Variants in KAZN observed in about 807,000 individuals in gnomAD.
KAZN encodes kazrin.
KAZN carries 40 observed loss-of-function variants against 87.4 expected under a neutral mutation model. That is an observed-to-expected ratio of 0.46 (90% CI 0.36 to 0.60). The LOEUF is 0.60. KAZN is among the 20% of genes least tolerant of loss of function. The probability of loss-of-function intolerance (pLI) is 0.00; values close to 1 mark genes in which losing one functional copy is unlikely to be tolerated. For missense variants in KAZN, 898 were observed against 1,073.9 expected (o/e 0.84, Z 2.29); for synonymous variants, 466 against 458.3 (o/e 1.02, Z -0.22).
At chr1:14,601,300 G>A (rs6687972) in intron 1 of KAZN, among the ~76,000 whole-genome samples, 108,735 of 151,632 alleles carry the variant, frequency 0.72, 39,972 homozygotes, top group Non-Finnish European at 0.81. Flanking sequence ...CCGCATAACC[G>A]TCTAAACTGA....
At chr1:14,946,679 C>T (rs1021219788) in intron 1 of KAZN, among the ~76,000 whole-genome samples, 2 of 152,138 alleles carry the variant, frequency 1.3e-5, no homozygotes, top group African/African-American at 4.8e-5. Context: ...TCAGCTGAGC[C>T]CCCGTTCACC....
At chr1:14,098,208 T>C (rs1644171686) in intron 1 of KAZN, among the ~76,000 whole-genome samples, 1 of 152,152 alleles carries the variant, frequency 6.6e-6, no homozygotes. Context: ...TCAAGTGTCT[T>C]CTATACTTTA....
At chr1:15,070,017 T>C (rs10803345) in intron 8 of KAZN, among the ~76,000 whole-genome samples, 14,069 of 152,268 alleles carry the variant, frequency 0.092, 1,762 homozygotes, top group African/African-American at 0.29. Context: ...CAGCCTGTCA[T>C]TGATGAGAAA....
intron 1 of KAZN, among the ~76,000 whole-genome samples, chr1:14,922,902 G>A (rs1014477887): frequency 2.0e-5 from 3 of 152,206 alleles, no homozygotes; most frequent in Admixed American, 2.0e-4. Context: ...CGGGGGCGGG[G>A]GGAAGCTGGG....
intron 2 of KAZN, among the ~76,000 whole-genome samples, chr1:14,226,487 G>A (rs1647301730): frequency 6.6e-6 from 1 of 152,206 alleles, no homozygotes; most frequent in Non-Finnish European, 1.5e-5. Flanking sequence ...GTGGAAAGCA[G>A]TTTGGAGGTT....
chr1:13,929,481 A>G (rs778487318), intron 1 of KAZN, among the ~76,000 whole-genome samples: 1 of 152,134 alleles, frequency 6.6e-6, no homozygotes, highest in Non-Finnish European at 1.5e-5. Context: ...GCCATCCATC[A>G]TTGCGACACC....
chr1:14,236,023 C>T (rs1026896345), intron 2 of KAZN, among the ~76,000 whole-genome samples: 1 of 152,140 alleles, frequency 6.6e-6, no homozygotes. Context: ...GGAGAGAAGA[C>T]GCCTTATCTA....
intron 1 of KAZN, among the ~76,000 whole-genome samples, chr1:13,910,795 T>G (rs1297841570): frequency 1.3e-5 from 2 of 152,082 alleles, no homozygotes; most frequent in East Asian, 3.9e-4. Context: ...TTTCCCATAA[T>G]AAGAAGAGAT....
At chr1:14,347,554 G>C (rs901232875) in intron 2 of KAZN, among the ~76,000 whole-genome samples, 2 of 152,170 alleles carry the variant, frequency 1.3e-5, no homozygotes, top group African/African-American at 2.4e-5. Flanking sequence ...GCTTTCTTTT[G>C]TTAGATTAGG....
intron 1 of KAZN, among the ~76,000 whole-genome samples, chr1:14,615,550 C>T (rs574208898): frequency 9.2e-5 from 14 of 151,842 alleles, no homozygotes; most frequent in South Asian, 6.3e-4. Context: ...TGCTTGAACC[C>T]GGGAGGCAGA....
At chr1:14,070,007 A>G (rs775563134) in intron 1 of KAZN, among the ~76,000 whole-genome samples, 2 of 151,898 alleles carry the variant, frequency 1.3e-5, no homozygotes, top group Non-Finnish European at 2.9e-5. Context: ...TGTCTCTACT[A>G]AAATACAAAA....
At chr1:14,709,129 C>T (rs930657207) in intron 1 of KAZN, among the ~76,000 whole-genome samples, 1 of 152,128 alleles carries the variant, frequency 6.6e-6, no homozygotes, top group Non-Finnish European at 1.5e-5. Flanking sequence ...CTCACCACCA[C>T]CCTAACGGCA....
intron 1 of KAZN, among the ~76,000 whole-genome samples, chr1:14,761,621 A>G (rs560783895): frequency 6.6e-6 from 1 of 152,228 alleles, no homozygotes. Context: ...TCAAGTGATT[A>G]TCTTGGTTGT....
chr1:14,725,368 C>G (rs1643326829), intron 1 of KAZN, among the ~76,000 whole-genome samples: 1 of 152,136 alleles, frequency 6.6e-6, no homozygotes, highest in Admixed American at 6.5e-5. Flanking sequence ...TGACATTTAC[C>G]ACTGTTGTCA....
chr1:14,986,513 G>T (rs1666837615), intron 2 of KAZN, among the ~76,000 whole-genome samples: 4 of 152,148 alleles, frequency 2.6e-5, no homozygotes, highest in Admixed American at 1.3e-4. Flanking sequence ...GCTTTTCTTG[G>T]TTGGTGCTTT....
At chr1:14,092,628 C>T (rs916954795) in intron 1 of KAZN, among the ~76,000 whole-genome samples, 24 of 150,822 alleles carry the variant, frequency 1.6e-4, no homozygotes, top group African/African-American at 5.6e-4. Flanking sequence ...TGTACATACA[C>T]ACCCTTACAC....
intron 1 of KAZN, among the ~76,000 whole-genome samples, chr1:14,888,733 A>G (rs1654389024): frequency 6.6e-6 from 1 of 152,016 alleles, no homozygotes; most frequent in Non-Finnish European, 1.5e-5. Flanking sequence ...TGACCCCAAC[A>G]TCTCAATAGC....
chr1:15,045,072 C>A (rs1272546781), intron 4 of KAZN, among the ~76,000 whole-genome samples: 1 of 152,192 alleles, frequency 6.6e-6, no homozygotes, highest in Non-Finnish European at 1.5e-5. Context: ...GTCTGTTCTG[C>A]CTGCTCCTGT....
chr1:14,198,619 G>A (rs972750474), intron 2 of KAZN, among the ~76,000 whole-genome samples: 2 of 152,084 alleles, frequency 1.3e-5, no homozygotes, highest in African/African-American at 4.8e-5. Flanking sequence ...ATAAGAAGAA[G>A]AAATTGATGG....
Sources: gnomAD v4.1 joint callset for allele counts (sites outside exome capture counted in the v4.1 genomes callset) on GRCh38, gnomAD v4.1.1 for gene constraint, MANE v1.5 for transcripts, NCBI Gene and HGNC (gene_info 2026-07-23, HGNC 2026-07-21) for gene names.